CLCN4: variants seen among roughly 807,000 people sequenced by gnomAD.
The protein encoded by CLCN4 is Cl-/H+ antiporter 4, also known as H(+)/Cl(-) exchange transporter 4.
CLCN4 carries 1 observed loss-of-function variant against 41.7 expected under a neutral mutation model. That is an observed-to-expected ratio of 0.02 (90% confidence interval 0.01 to 0.11). The LOEUF is 0.11. CLCN4 is among the 10% of genes least tolerant of loss of function. The pLI is 1.00. For missense variants in CLCN4, 287 were observed against 661.0 expected (o/e 0.43, Z 6.20); for synonymous variants, 277 against 285.8 (o/e 0.97, Z 0.31).
At chrX:10,227,885 A>AT (rs1925028539) in intron 12 of CLCN4, among the ~76,000 whole-genome samples, 1 of 111,378 alleles carries the variant, frequency 9.0e-6, no homozygotes, top group Non-Finnish European at 1.9e-5. Context: ...GATAGACCAC[A>AT]TTTTGCTGAT....
chrX:10,214,735 G>C (rs745917728), intron 11 of CLCN4, among the ~76,000 whole-genome samples: 1 of 112,503 alleles, frequency 8.9e-6, no homozygotes, highest in Non-Finnish European at 1.9e-5. Context: ...TGTTGAGTTG[G>C]GGGAGGGGAG....
intron 2 of CLCN4, among the ~76,000 whole-genome samples, chrX:10,165,871 C>T (rs1454055427): frequency 3.6e-5 from 4 of 111,804 alleles, no homozygotes; most frequent in African/African-American, 1.3e-4. Flanking sequence ...GTGTGTTGGT[C>T]AGAGTGGCCT....
Position 10,206,349 on chromosome X carries a change from C to G in CLCN4, c.556-9C>G, listed in dbSNP as rs375805479. ...TTCATTCCCTCTTGTTCTCCATCCT[C>G]TGTTTCAGATAAAGACCATTTTGAG... On this transcript the variant is annotated splice_polypyrimidine_tract_variant and intron_variant, in intron 6 of 12. Coordinates refer to ENST00000380833, the MANE Select transcript of CLCN4 (RefSeq NM_001830.4). 8.4e-7 allele frequency: 1 copy of G among 1,191,144 alleles called. No homozygotes were observed. The highest frequency in any genetic ancestry group is 1.8e-5 in the South Asian group (1 of 56,179).
chrX:10,203,099 C>G (rs1038362588), intron 6 of CLCN4, among the ~76,000 whole-genome samples: 1 of 111,948 alleles, frequency 8.9e-6, no homozygotes, highest in Non-Finnish European at 1.9e-5. Flanking sequence ...TTACATTGTT[C>G]AATTCACCAC....
At chrX:10,169,364 G>T (rs60473664) in intron 2 of CLCN4, among the ~76,000 whole-genome samples, 1,127 of 111,420 alleles carry the variant, frequency 0.01, 14 homozygotes, top group African/African-American at 0.035. Context: ...TCTGTTATGG[G>T]TCCAGAGTCC....
At chrX:10,191,204 T>G (rs970759337) in intron 4 of CLCN4, among the ~76,000 whole-genome samples, 6 of 110,614 alleles carry the variant, frequency 5.4e-5, no homozygotes, top group Non-Finnish European at 1.1e-4. Context: ...CCATCCCCCT[T>G]CCAGCCCTAG....
chrX:10,216,918 T>TATACACACACACAC lies in CLCN4; in HGVS notation c.1975+2840_1975+2841insTACACACACACACA, dbSNP rs773265490. ...GTGTGTATATATATATATATATATA[T>TATACACACACACAC]ACACACACACACATAGAGGGACTTC... On this transcript the variant is annotated intron_variant, in intron 11 of 12. Coordinates refer to ENST00000380833, the MANE Select transcript of CLCN4 (RefSeq NM_001830.4). Among the ~76,000 whole-genome samples the TATACACACACACAC allele has an allele frequency of 1.8e-3, 70 of 38,931 alleles. 1 individual carries two copies. Among genetic ancestry groups the TATACACACACACAC allele is most frequent in the South Asian group, 6.8e-3 (2 of 292 alleles). The allele number at this position is 38,931 out of a possible 115,157, so 33.8% of individuals were successfully genotyped here. A position where few individuals can be genotyped will look rare whatever the true frequency, so the allele number is the denominator to read the frequency against.
At chrX:10,207,946 C>T in intron 8 of CLCN4, 99 bp from the exon 9 acceptor site, 2 of 718,720 alleles carry the variant, frequency 2.8e-6, no homozygotes, top group Non-Finnish European at 4.2e-6. Flanking sequence ...AGTGTGTCCA[C>T]TCTTGGACTT....
chrX:10,193,339 G>A (rs1924017265), intron 4 of CLCN4, among the ~76,000 whole-genome samples: 1 of 112,500 alleles, frequency 8.9e-6, no homozygotes, highest in African/African-American at 3.2e-5. Context: ...CATAGCTTGA[G>A]ATGTACATTT....
rs1555977165 is a variant in CLCN4 at position 10,213,752 on chromosome X, G to A, written c.1648G>A (p.Val550Met). The part of the protein sequence containing the change: ...FELTGGLEYI[V>M]PLMAAAVTSK... ...ATTAACCGGGGGTCTGGAGTACATC[G>A]TGCCCCTGATGGCGGCGGCTGTGAC... The change falls in exon 11 of 13, where the codon GTG becomes ATG. Residue 550 changes from valine to methionine, a missense_variant. By Grantham distance (21) the Val-to-Met change is conservative. This residue lies in a region of CLCN4 where 10 missense variants were observed against 67.7 expected (regional missense o/e 0.15). Coordinates refer to ENST00000380833, the MANE Select transcript of CLCN4 (RefSeq NM_001830.4). 2.5e-6 allele frequency: 3 copies of A among 1,211,298 alleles called. No individual in the cohort carries two copies. Among genetic ancestry groups the A allele is most frequent in the Non-Finnish European group, 3.4e-6 (3 of 895,035 alleles).
intron 11 of CLCN4, among the ~76,000 whole-genome samples, chrX:10,217,962 C>T (rs1313972845): frequency 1.8e-5 from 2 of 110,422 alleles, no homozygotes; most frequent in African/African-American, 3.3e-5. Context: ...AGGCTGGTCT[C>T]GAACTCCTGA....
rs7877167 is a variant in CLCN4 at position 10,158,392 on chromosome X, C to A, written c.-171C>A. 2.3e-3 allele frequency: 691 copies of A among 296,208 alleles called. 4 individuals are homozygous for A. The highest frequency in any genetic ancestry group is 0.016 in the African/African-American group (603 of 36,789). 24.4% of individuals were successfully genotyped at this position (296,208 alleles called of 1,213,427 possible). On this transcript the variant is annotated 5_prime_UTR_variant, in exon 2 of 13. Transcript: ENST00000380833. ...CCCGGGACTTCCAGGGTCTTCCCCCCACCCCGCGCACACCTCCCTGCCTCG... is the reference window on the plus strand; with the variant it reads ...CCCGGGACTTCCAGGGTCTTCCCCCAACCCCGCGCACACCTCCCTGCCTCG...
chrX:10,160,071 C>T (rs924500009), intron 2 of CLCN4, among the ~76,000 whole-genome samples: 3 of 109,880 alleles, frequency 2.7e-5, no homozygotes, highest in Admixed American at 9.8e-5. Flanking sequence ...CGACCTCCAC[C>T]TACTAGATGC....
At chrX:10,206,332 C>T (rs754117927) in intron 6 of CLCN4, 26 bp from the exon 7 acceptor site, 1 of 1,140,206 alleles carries the variant, frequency 8.8e-7, no homozygotes, top group Non-Finnish European at 1.2e-6. Flanking sequence ...AGTTCATTCC[C>T]TCTTGTTCTC....
chrX:10,205,951 C>T (rs1924377461), intron 6 of CLCN4, among the ~76,000 whole-genome samples: 2 of 110,315 alleles, frequency 1.8e-5, no homozygotes, highest in Admixed American at 9.7e-5. Context: ...CTTCACTCTC[C>T]TTGCCTTGTC....
At chrX:10,197,815 T>G in intron 5 of CLCN4, 124 bp from the exon 6 acceptor site, 1 of 881,035 alleles carries the variant, frequency 1.1e-6, no homozygotes, top group Non-Finnish European at 1.6e-6. Context: ...TATACAGGAC[T>G]GGGACCAAAC....
intron 2 of CLCN4, among the ~76,000 whole-genome samples, chrX:10,180,803 GA>G (rs1300773766): frequency 1.2e-5 from 1 of 85,314 alleles, no homozygotes; most frequent in Non-Finnish European, 2.3e-5. Context: ...AAGAAAGAAA[GA>G]AAAGAAAAGA....
intron 2 of CLCN4, among the ~76,000 whole-genome samples, chrX:10,162,696 TTCCATTG>T (rs1923138869): frequency 1.8e-5 from 2 of 112,420 alleles, no homozygotes; most frequent in African/African-American, 6.5e-5. Context: ...CTCTGGAAAA[TTCCATTG>T]TATGCTCATG....
In CLCN4 at chrX:10,235,668, AC is replaced by A; in HGVS notation, c.*2085del. ...CTAGCTACAAATGGGTTTCTATGGA[AC>A]TTCTAATTAATGTGCAAAATACATA... On this transcript the variant is annotated 3_prime_UTR_variant, in exon 13 of 13. Coordinates refer to ENST00000380833, the MANE Select transcript of CLCN4 (RefSeq NM_001830.4). The A allele has an allele frequency of 8.9e-6, 1 of 112,097 alleles. No homozygotes were observed. Among genetic ancestry groups the A allele is most frequent in the East Asian group, 2.8e-4 (1 of 3,568 alleles). 9.2% of individuals were successfully genotyped at this position (112,097 alleles called of 1,213,427 possible).
Sources: gnomAD v4.1 joint callset for allele counts (sites outside exome capture counted in the v4.1 genomes callset) on GRCh38, gnomAD v4.1.1 for gene constraint, gnomAD v4.1.1 regional missense constraint, MANE v1.5 for transcripts, NCBI Gene and HGNC (gene_info 2026-07-23, HGNC 2026-07-21) for gene names.